Variants in SLC25A17 observed in about 807,000 individuals in gnomAD.
The protein encoded by SLC25A17 is peroxisomal membrane protein PMP34.
Under a neutral mutation model 38.5 loss-of-function variants are expected in SLC25A17, and 26 were observed. The ratio of observed to expected loss-of-function variants is 0.68; its 90% CI spans 0.50 to 0.94. SLC25A17 has a LOEUF of 0.94. Among genes scored for constraint, SLC25A17 ranks in the 40% least tolerant of loss-of-function variants. The pLI, the probability that SLC25A17 is intolerant of heterozygous loss-of-function variation, is 0.00. For missense variants in SLC25A17, 333 were observed against 372.7 expected, an observed-to-expected ratio of 0.89 and a Z score of 0.88; for synonymous variants, 139 against 136.2, an observed-to-expected ratio of 1.02 and a Z score of -0.14.
Position 40,792,683 on chromosome 22 carries a change from G to A in SLC25A17, c.183-7C>T, listed in dbSNP as rs1239698936. 2 of 1,613,080 alleles carry A rather than the reference G, an allele frequency of 1.2e-6. No individual in the cohort carries two copies. Among genetic ancestry groups the A allele is most frequent in the African/African-American group, 1.3e-5 (1 of 74,864 alleles). On this transcript the variant is annotated splice_polypyrimidine_tract_variant and splice_region_variant and intron_variant, in intron 3 of 8. Transcript: ENST00000435456. ...CCCTCGATATGGTGCCAGGCTAGGG[G>A]AAAAACACAATAAGCAAAGTAAAGG...
chr22:40,808,749 T>C (rs1271193813), intron 1 of SLC25A17, among the ~76,000 whole-genome samples: 1 of 152,242 alleles, frequency 6.6e-6, no homozygotes, highest in Non-Finnish European at 1.5e-5. Context: ...TAATACAGTC[T>C]AGTGATTCTC....
intron 1 of SLC25A17, among the ~76,000 whole-genome samples, chr22:40,814,854 C>T (rs1169796060): frequency 6.6e-6 from 1 of 150,508 alleles, no homozygotes; most frequent in Non-Finnish European, 1.5e-5. Context: ...GAGTCTTGCT[C>T]TGTCGTCCAG....
At chr22:40,810,473 G>A (rs922345138) in intron 1 of SLC25A17, among the ~76,000 whole-genome samples, 1 of 150,984 alleles carries the variant, frequency 6.6e-6, no homozygotes, top group African/African-American at 2.4e-5. Flanking sequence ...TCAGCCTCCT[G>A]AGTAGCTGGG....
chr22:40,790,377 TTTAAAG>T (rs1367041657), intron 4 of SLC25A17, among the ~76,000 whole-genome samples: 1 of 149,228 alleles, frequency 6.7e-6, no homozygotes, highest in Non-Finnish European at 1.5e-5. Context: ...AAGAGTGAAC[TTTAAAG>T]TTAAAATACA....
chr22:40,810,416 C>A (rs2145704877), intron 1 of SLC25A17, among the ~76,000 whole-genome samples: 1 of 149,410 alleles, frequency 6.7e-6, no homozygotes, highest in Non-Finnish European at 1.5e-5. Flanking sequence ...GGCGTAATCT[C>A]AGCTCACTGC....
rs66485050 is a variant in SLC25A17 at position 40,794,709 on chromosome 22, TC to T, written c.116-130del. ...ATCTCAGCTCACTGCAACCTCCACC[TC>T]CTGGGTTCAAGCGATTCTCCTGTTG... On this transcript the variant is annotated intron_variant, in intron 2 of 8. Transcript: ENST00000435456. 657 of 421,154 alleles carry T rather than the reference TC, an allele frequency of 1.6e-3. 7 individuals are homozygous for T. Among genetic ancestry groups the T allele is most frequent in the African/African-American group, 0.012 (614 of 49,174 alleles). 26.1% of individuals were successfully genotyped at this position (421,154 alleles called of 1,614,324 possible).
chr22:40,814,783 ATATATATTG>A (rs1279691445), intron 1 of SLC25A17, among the ~76,000 whole-genome samples: 2 of 80,240 alleles, frequency 2.5e-5, no homozygotes, highest in African/African-American at 1.2e-4. Flanking sequence ...ATATATATAT[ATATATATTG>A]TTGTTGTTGT....
chr22:40,770,816 T>G lies in SLC25A17; in HGVS notation c.*18A>C. ...CCTCCCTCTTGAGCATCTTCGGAATTTTTCATGGGAAGGCGTCTCAGTGTT... is the reference window on the plus strand; with the variant it reads ...CCTCCCTCTTGAGCATCTTCGGAATGTTTCATGGGAAGGCGTCTCAGTGTT... On this transcript the variant is annotated 3_prime_UTR_variant, in exon 9 of 9. Transcript: ENST00000435456. 1 of 1,585,840 alleles carries G rather than the reference T, an allele frequency of 6.3e-7. No individual in the cohort carries two copies. The highest frequency in any genetic ancestry group is 8.6e-7 in the Non-Finnish European group (1 of 1,161,252).
intron 8 of SLC25A17, among the ~76,000 whole-genome samples, chr22:40,771,302 G>A (rs2057180993): frequency 6.6e-6 from 1 of 152,110 alleles, no homozygotes; most frequent in Non-Finnish European, 1.5e-5. Context: ...AGTGGAGATG[G>A]GGTTTCACCA....
chr22:40,772,654 T>A (rs1423582514), intron 8 of SLC25A17, among the ~76,000 whole-genome samples: 1 of 152,074 alleles, frequency 6.6e-6, no homozygotes, highest in Non-Finnish European at 1.5e-5. Context: ...TTATTTTTTT[T>A]ATACAAGGTC....
intron 1 of SLC25A17, among the ~76,000 whole-genome samples, chr22:40,804,296 T>C (rs1405680167): frequency 6.6e-6 from 1 of 152,086 alleles, no homozygotes; most frequent in Non-Finnish European, 1.5e-5. Flanking sequence ...AGAGCAAGTG[T>C]GTACTTGGGG....
chr22:40,776,478 G>A (rs1166507497), intron 7 of SLC25A17, among the ~76,000 whole-genome samples: 1 of 152,188 alleles, frequency 6.6e-6, no homozygotes, highest in East Asian at 1.9e-4. Flanking sequence ...GCTTTCCTGA[G>A]GTCTTTAAGG....
rs769212382 is a variant in SLC25A17, at chr22:40,800,966, T to C, written c.55-1883A>G. Among the ~76,000 whole-genome samples the C allele has an allele frequency of 9.2e-4, 139 of 151,070 alleles. No individual in the cohort carries two copies. The Middle Eastern group carries it at 0.017, about 19-fold the overall frequency. ...AAAATGCAAAAAAATTAGCTGGGCCTGGTGGCACATGCCTGTAATCCCAGC... is the reference window on the plus strand; with the variant it reads ...AAAATGCAAAAAAATTAGCTGGGCCCGGTGGCACATGCCTGTAATCCCAGC... On this transcript the variant is annotated intron_variant, in intron 1 of 8. Coordinates refer to ENST00000435456, the MANE Select transcript of SLC25A17 (RefSeq NM_006358.4).
At chr22:40,772,043 T>G (rs1451875406) in intron 8 of SLC25A17, among the ~76,000 whole-genome samples, 1 of 152,016 alleles carries the variant, frequency 6.6e-6, no homozygotes, top group Non-Finnish European at 1.5e-5. Flanking sequence ...AAGCCATTAT[T>G]AACATTTGTA....
At chr22:40,811,312 A>C (rs2057578640) in intron 1 of SLC25A17, among the ~76,000 whole-genome samples, 1 of 151,836 alleles carries the variant, frequency 6.6e-6, no homozygotes, top group Non-Finnish European at 1.5e-5. Flanking sequence ...GCTGGTCTCA[A>C]ACCCCTGGCC....
chr22:40,770,833 C>G lies in SLC25A17; in HGVS notation c.*1G>C, dbSNP rs750316329. On this transcript the variant is annotated 3_prime_UTR_variant, in exon 9 of 9. Transcript: ENST00000435456. ...TTCGGAATTTTTCATGGGAAGGCGT[C>G]TCAGTGTTGGTGTGCACGCTTCAGC... The G allele has an allele frequency of 3.1e-6, 5 of 1,592,162 alleles. No individual in the cohort carries two copies. The highest frequency in any genetic ancestry group is 2.3e-5 in the East Asian group (1 of 44,388).
At position 40,781,491 on chromosome 22, in the gene SLC25A17, C is replaced by T. The variant is rs569790364; in HGVS notation, c.335-2366G>A. ...CGATCTCCTGACCTCGTGATCCGCC[C>T]GCCTCGGCCTCTCAAAGTGCTGGGA... On this transcript the variant is annotated intron_variant, in intron 4 of 8. Coordinates refer to ENST00000435456, the MANE Select transcript of SLC25A17 (RefSeq NM_006358.4). Among the ~76,000 whole-genome samples, 64 of 152,192 alleles carry T rather than the reference C, an allele frequency of 4.2e-4. 2 individuals are homozygous for T. The South Asian group carries it at 0.013, about 31-fold the overall frequency.
At chr22:40,797,189 C>G (rs375104393) in intron 2 of SLC25A17, 7 of 558,446 alleles carry the variant, frequency 1.3e-5, no homozygotes, top group African/African-American at 1.9e-5. Flanking sequence ...CCTGTTGAAT[C>G]ATGTAAAATT....
At chr22:40,777,398 G>A (rs770988397) in intron 5 of SLC25A17, 25 bp from the exon 6 acceptor site, 1 of 1,601,790 alleles carries the variant, frequency 6.2e-7, no homozygotes, top group Admixed American at 1.7e-5. Context: ...AGGGACTTTT[G>A]AAAAGCATGA....
Sources: allele counts gnomAD v4.1 joint callset (sites outside exome capture counted in the v4.1 genomes callset), GRCh38; gene constraint gnomAD v4.1.1; transcripts MANE v1.5; gene names NCBI Gene and HGNC (gene_info 2026-07-23, HGNC 2026-07-21).